CELA2A: variants seen among roughly 807,000 people sequenced by gnomAD.
The protein encoded by CELA2A is chymotrypsin like elastase 2A.
Under a neutral mutation model 35.3 loss-of-function variants are expected in CELA2A, and 31 were observed. That is an observed-to-expected ratio of 0.88 (90% confidence interval 0.66 to 1.19). The LOEUF is 1.19. Among genes scored for constraint, CELA2A ranks in the 50% most tolerant of loss-of-function variants. CELA2A has a pLI of 0.00. For missense variants in CELA2A, 330 were observed against 352.9 expected (o/e 0.94, Z 0.52); for synonymous variants, 150 against 149.8 (o/e 1.00, Z -0.01).
At chr1:15,462,664 T>G (rs1350474340) in intron 3 of CELA2A, 69 bp from the exon 4 acceptor site, 35 of 1,587,468 alleles carry the variant, frequency 2.2e-5, no homozygotes, top group Non-Finnish European at 3.0e-5. Flanking sequence ...GTTACTTGGG[T>G]CTATCCCCAG....
Position 15,456,774 on chromosome 1 carries a change from G to C in CELA2A, c.21G>C (p.Leu7=). The C allele has an allele frequency of 6.2e-7, 1 of 1,614,210 alleles. No homozygotes were observed. Among genetic ancestry groups the C allele is most frequent in the South Asian group, 1.1e-5 (1 of 91,088 alleles). ...ACACCATGATAAGGACGCTGCTGCT[G>C]TCCACTTTGGTGGCTGGAGGTAAGT... MIRTLL[L]STLVAGALSC... is the part of the protein sequence containing the mutation. Residue 7 remains leucine, a synonymous_variant, in exon 1 of 8, where the codon CTG becomes CTC. Transcript: ENST00000359621.
chr1:15,468,957 C>T (rs1159081602), intron 7 of CELA2A, among the ~76,000 whole-genome samples: 3 of 152,180 alleles, frequency 2.0e-5, no homozygotes, highest in East Asian at 3.9e-4. Context: ...ATGGGCAGAT[C>T]ACCAGAGGTC....
At chr1:15,467,621 GA>G in intron 7 of CELA2A, 83 bp downstream of exon 7, 3 of 1,512,284 alleles carry the variant, frequency 2.0e-6, no homozygotes, top group Non-Finnish European at 2.7e-6. Context: ...TGGTGACTGA[GA>G]ATCCCCTCCT....
At chr1:15,467,169 T>C (rs764884287) in intron 6 of CELA2A, among the ~76,000 whole-genome samples, 1 of 152,216 alleles carries the variant, frequency 6.6e-6, no homozygotes, top group Non-Finnish European at 1.5e-5. Flanking sequence ...ATTAATGAGA[T>C]GAGGCATAGA....
chr1:15,465,129 A>T (rs1215046850), intron 5 of CELA2A, among the ~76,000 whole-genome samples: 3 of 147,616 alleles, frequency 2.0e-5, no homozygotes, highest in Admixed American at 7.0e-5. Flanking sequence ...CTCCTGCCTC[A>T]GCCTCCCAAG....
intron 3 of CELA2A, chr1:15,461,900 C>T (rs1570796959): frequency 2.9e-6 from 2 of 678,360 alleles, no homozygotes; most frequent in South Asian, 1.5e-5. Context: ...GAGGGGAAGG[C>T]CCAATCTCTG....
chr1:15,463,259 C>A, intron 4 of CELA2A, 127 bp from the exon 5 acceptor site: 2 of 1,437,560 alleles, frequency 1.4e-6, no homozygotes, highest in Non-Finnish European at 1.9e-6. Context: ...TGCCCTGGGG[C>A]CCTGCCAGTC....
At position 15,466,252 on chromosome 1, in the gene CELA2A, A is replaced by G. The variant is rs182785315; in HGVS notation, c.639+108A>G. 4.9e-4 allele frequency: 635 copies of G among 1,299,454 alleles called. 5 individuals are homozygous for G. In the African/African-American group the frequency reaches 8.3e-3, roughly 17 times the overall value. The allele number at this position is 1,299,454 out of a possible 1,614,324, so 80.5% of individuals were successfully genotyped here. On this transcript the variant is annotated intron_variant, in intron 6 of 7. Transcript: ENST00000359621. The stretch of plus-strand genomic sequence containing the variant: ...CATCCTCCCACCTCCTGGCAGAATT[A>G]CCCCGAAACATGTTCCAGATATATC...
chr1:15,461,423 T>A, intron 2 of CELA2A, 138 bp from the exon 3 acceptor site: 1 of 785,228 alleles, frequency 1.3e-6, no homozygotes, highest in East Asian at 2.6e-5. Flanking sequence ...AGGTTTTGGG[T>A]GCTGCCTTAA....
intron 5 of CELA2A, among the ~76,000 whole-genome samples, chr1:15,465,184 G>A (rs1570799560): frequency 6.6e-6 from 1 of 151,752 alleles, no homozygotes; most frequent in Middle Eastern, 3.4e-3. Context: ...GGTAATTTTT[G>A]TATTTTAGTA....
At position 15,467,504 on chromosome 1, in the gene CELA2A, C is replaced by G. The variant is rs771186524; in HGVS notation, c.758C>G (p.Thr253Arg). ...TACTACCACAAGCCCTCCGTCTTCA[C>G]GCGGGTCTCCAATTACATCGACTGG... is the stretch of plus-strand genomic sequence containing the variant. ...CNYYHKPSVF[T>R]RVSNYIDWIN... Residue 253 changes from threonine to arginine, a missense_variant, in exon 7 of 8, where the codon ACG becomes AGG. Physicochemically the swap from Thr to Arg is moderately conservative, Grantham distance 71. Transcript: ENST00000359621. The G allele has an allele frequency of 2.5e-6, 4 of 1,614,072 alleles. No homozygotes were observed. Among genetic ancestry groups the G allele is most frequent in the Non-Finnish European group, 2.5e-6 (3 of 1,180,056 alleles).
intron 6 of CELA2A, 98 bp downstream of exon 6, chr1:15,466,242 T>TGGTG: frequency 7.3e-7 from 1 of 1,378,946 alleles, no homozygotes; most frequent in Non-Finnish European, 1.0e-6. Context: ...TCCCACCTCC[T>TGGTG]GGCAGAATTA....
At chr1:15,471,840 C>T (rs1264956625) in intron 7 of CELA2A, 150 bp from the exon 8 acceptor site, 1 of 871,776 alleles carries the variant, frequency 1.1e-6, no homozygotes, top group Non-Finnish European at 1.9e-6. Flanking sequence ...TTTTCCGAAA[C>T]GTCATCAGAA....
chr1:15,467,564 C>G (rs1405804034), intron 7 of CELA2A, 26 bp downstream of exon 7: 3 of 1,612,220 alleles, frequency 1.9e-6, no homozygotes, highest in African/African-American at 1.3e-5. Flanking sequence ...GCCCTGAGCC[C>G]CAAGGCACTA....
At chr1:15,465,843 A>C (rs1233367765) in intron 5 of CELA2A, 156 bp from the exon 6 acceptor site, 2 of 854,740 alleles carry the variant, frequency 2.3e-6, no homozygotes, top group Non-Finnish European at 3.7e-6. Flanking sequence ...TCACTGCTGA[A>C]CCAATCAACC....
At chr1:15,467,656 C>T (rs1358832330) in intron 7 of CELA2A, 118 bp downstream of exon 7, 19 of 1,312,962 alleles carry the variant, frequency 1.4e-5, no homozygotes, top group Non-Finnish European at 2.0e-5. Context: ...TAGATGGGAA[C>T]CCCTTGGAGG....
In CELA2A at chr1:15,467,463, T is replaced by C. The variant is rs1310640551; in HGVS notation, c.717T>C (p.Ser239=). The C allele has an allele frequency of 6.2e-7, 1 of 1,614,162 alleles. No homozygotes were observed. Among genetic ancestry groups the C allele is most frequent in the South Asian group, 1.1e-5 (1 of 91,090 alleles). ...WQVHGIVSFG[S]RLGCNYYHKP... is the part of the protein sequence containing the mutation. ...TGCACGGCATCGTCAGCTTCGGGTC[T>C]CGCCTCGGCTGCAACTACTACCACA... The change falls in exon 7 of 8, where the codon TCT becomes TCC. Residue 239 remains serine, a synonymous_variant. Coordinates refer to ENST00000359621, the MANE Select transcript of CELA2A (RefSeq NM_033440.3).
rs369063713 is a variant in CELA2A at position 15,466,854 on chromosome 1, C to T, written c.640-532C>T. Among the ~76,000 whole-genome samples the T allele has an allele frequency of 5.3e-4, 80 of 152,306 alleles. 1 individual carries two copies. The highest frequency in any genetic ancestry group is 1.9e-3 in the African/African-American group (77 of 41,562). On this transcript the variant is annotated intron_variant, in intron 6 of 7. Transcript: ENST00000359621. ...GCTGCCACGGAAACCTTCCTGGAGACAGTGTCTTAACCACCAGGAACTGCT... is the reference window on the plus strand; with the variant it reads ...GCTGCCACGGAAACCTTCCTGGAGATAGTGTCTTAACCACCAGGAACTGCT...
At chr1:15,471,055 T>G (rs1458563104) in intron 7 of CELA2A, among the ~76,000 whole-genome samples, 1 of 152,244 alleles carries the variant, frequency 6.6e-6, no homozygotes, top group Non-Finnish European at 1.5e-5. Flanking sequence ...AGTACATACA[T>G]GTCATTCTTT....
Sources: allele counts gnomAD v4.1 joint callset (sites outside exome capture counted in the v4.1 genomes callset), GRCh38; gene constraint gnomAD v4.1.1; transcripts MANE v1.5; gene names NCBI Gene and HGNC (gene_info 2026-07-23, HGNC 2026-07-21).